ARL15: variants seen among roughly 807,000 people sequenced by gnomAD.
ARL15 encodes the protein ARF like GTPase 15, also known as ADP-ribosylation factor-like protein 15.
ARL15 carries 19 observed loss-of-function variants against 25.2 expected under a neutral mutation model. The observed-to-expected ratio is 0.75, with a 90% CI of 0.53 to 1.10. ARL15 has a LOEUF of 1.10. Ranked by LOEUF, ARL15 falls within the 50% of genes least tolerant of loss-of-function variation. The probability of loss-of-function intolerance (pLI) is 0.00; values close to 1 mark genes in which losing one functional copy is unlikely to be tolerated. For missense variants in ARL15, 220 were observed against 246.0 expected, an observed-to-expected ratio of 0.89 and a Z score of 0.71; for synonymous variants, 94 against 86.8, an observed-to-expected ratio of 1.08 and a Z score of -0.46.
chr5:54,292,918 C>T (rs756849364), intron 1 of ARL15, among the ~76,000 whole-genome samples: 30 of 152,156 alleles, frequency 2.0e-4, no homozygotes, highest in Admixed American at 1.8e-3. Flanking sequence ...CAACCTCACA[C>T]GGTGTTGCAA....
intron 1 of ARL15, among the ~76,000 whole-genome samples, chr5:54,297,212 A>AC (rs1224463803): frequency 6.6e-6 from 1 of 151,952 alleles, no homozygotes; most frequent in Non-Finnish European, 1.5e-5. Context: ...GGCAGACTGG[A>AC]CCCCCCTCAA....
At chr5:54,000,751 TAACAA>T (rs759010463) in intron 4 of ARL15, among the ~76,000 whole-genome samples, 2 of 152,156 alleles carry the variant, frequency 1.3e-5, no homozygotes, top group Non-Finnish European at 2.9e-5. Flanking sequence ...AACATATACC[TAACAA>T]AACATATCCA....
rs1425707755 is a variant in ARL15, at chr5:53,886,086, A to C, written c.*475T>G. 4 of 151,910 alleles carry C rather than the reference A, an allele frequency of 2.6e-5. No individual in the cohort carries two copies. Among genetic ancestry groups the C allele is most frequent in the Non-Finnish European group, 2.9e-5 (2 of 68,002 alleles). 9.4% of individuals were successfully genotyped at this position (151,910 alleles called of 1,614,324 possible). ...GCTCAGTATACCAAAAAAAAAAAAA[A>C]ATTAGATAAAATAAAACAAAACCCC... is the stretch of plus-strand genomic sequence containing the variant. On this transcript the variant is annotated 3_prime_UTR_variant, in exon 5 of 5. Coordinates refer to ENST00000504924, the MANE Select transcript of ARL15 (RefSeq NM_019087.3).
intron 4 of ARL15, among the ~76,000 whole-genome samples, chr5:53,934,393 T>C (rs1746292542): frequency 6.6e-6 from 1 of 151,284 alleles, no homozygotes; most frequent in Admixed American, 6.6e-5. Context: ...TGATTTTTAT[T>C]GTTTAACTGA....
At chr5:54,064,757 T>C (rs1228686720) in intron 4 of ARL15, among the ~76,000 whole-genome samples, 1 of 151,984 alleles carries the variant, frequency 6.6e-6, no homozygotes, top group African/African-American at 2.4e-5. Context: ...TTACTTAGAA[T>C]AGTGCCTGGC....
At chr5:54,026,724 T>C (rs1749796308) in intron 4 of ARL15, among the ~76,000 whole-genome samples, 1 of 152,136 alleles carries the variant, frequency 6.6e-6, no homozygotes, top group African/African-American at 2.4e-5. Flanking sequence ...TCATCACAAA[T>C]ATTGCCTGAG....
chr5:53,950,749 T>G (rs549045255), intron 4 of ARL15, among the ~76,000 whole-genome samples: 1 of 152,218 alleles, frequency 6.6e-6, no homozygotes, highest in Admixed American at 6.5e-5. Flanking sequence ...CACAGTGAGA[T>G]ACTTGGAACA....
intron 1 of ARL15, among the ~76,000 whole-genome samples, chr5:54,265,635 TA>T (rs564310348): frequency 1.3e-5 from 1 of 76,196 alleles, no homozygotes; most frequent in Non-Finnish European, 3.2e-5. Context: ...CAAATTTATA[TA>T]AAAAATGTTA....
At chr5:54,164,806 ATC>A (rs1754518799) in intron 2 of ARL15, among the ~76,000 whole-genome samples, 1 of 151,974 alleles carries the variant, frequency 6.6e-6, no homozygotes, top group Non-Finnish European at 1.5e-5. Context: ...TTTTAAAAAA[ATC>A]TATTATATCA....
intron 4 of ARL15, among the ~76,000 whole-genome samples, chr5:53,943,771 G>C (rs1041304161): frequency 6.6e-6 from 1 of 152,158 alleles, no homozygotes; most frequent in Non-Finnish European, 1.5e-5. Context: ...TTTTCTACCT[G>C]AGAGCTGGAG....
intron 4 of ARL15, among the ~76,000 whole-genome samples, chr5:54,105,949 T>C (rs951129680): frequency 2.6e-5 from 4 of 152,042 alleles, no homozygotes; most frequent in African/African-American, 7.2e-5. Flanking sequence ...AGGAAAAAAA[T>C]AGATTTTGAT....
At chr5:54,242,839 G>C (rs1321188873) in intron 1 of ARL15, among the ~76,000 whole-genome samples, 1 of 151,912 alleles carries the variant, frequency 6.6e-6, no homozygotes, top group Admixed American at 6.6e-5. Context: ...AAATTATAAC[G>C]AACACACCTC....
At position 53,886,466 on chromosome 5, in the gene ARL15, A is replaced by T; in HGVS notation, c.*95T>A. Reference sequence around the variant, plus strand: ...AATGACCAGAGGAAAATAGATACTGAAGCCAATATAGTCTTGATACCAAAA... The same window carrying T: ...AATGACCAGAGGAAAATAGATACTGTAGCCAATATAGTCTTGATACCAAAA... On this transcript the variant is annotated 3_prime_UTR_variant, in exon 5 of 5. Coordinates refer to ENST00000504924, the MANE Select transcript of ARL15 (RefSeq NM_019087.3). 7.5e-7 allele frequency: 1 copy of T among 1,341,500 alleles called. No individual in the cohort carries two copies. Among genetic ancestry groups the T allele is most frequent in the Non-Finnish European group, 1.0e-6 (1 of 1,000,378 alleles). 83.1% of individuals were successfully genotyped at this position (1,341,500 alleles called of 1,614,324 possible).
At chr5:54,217,701 G>T (rs13164469) in intron 1 of ARL15, among the ~76,000 whole-genome samples, 44,181 of 152,006 alleles carry the variant, frequency 0.29, 7,643 homozygotes, top group African/African-American at 0.48. Flanking sequence ...TCACCGTAAC[G>T]ATCAGATGTT....
intron 4 of ARL15, among the ~76,000 whole-genome samples, chr5:54,040,847 T>C (rs1750321201): frequency 6.6e-6 from 1 of 152,196 alleles, no homozygotes; most frequent in African/African-American, 2.4e-5. Flanking sequence ...AATGTGATTA[T>C]CAAATATTGT....
intron 1 of ARL15, among the ~76,000 whole-genome samples, chr5:54,202,291 G>A (rs531851472): frequency 6.6e-6 from 1 of 152,104 alleles, no homozygotes; most frequent in Non-Finnish European, 1.5e-5. Context: ...CATGGCCAGG[G>A]GGCATCAAGG....
At chr5:54,190,194 C>T (rs1171368769) in intron 1 of ARL15, among the ~76,000 whole-genome samples, 1 of 151,978 alleles carries the variant, frequency 6.6e-6, no homozygotes, top group African/African-American at 2.4e-5. Context: ...AGTTCGAGAC[C>T]AGCCTGGCCA....
intron 4 of ARL15, among the ~76,000 whole-genome samples, chr5:53,940,962 T>C (rs1490546262): frequency 2.0e-5 from 3 of 152,202 alleles, no homozygotes; most frequent in Admixed American, 2.0e-4. Context: ...ATATTGTCCA[T>C]TAAAGCTTAC....
intron 4 of ARL15, among the ~76,000 whole-genome samples, chr5:54,036,476 C>G (rs1344588183): frequency 6.6e-6 from 1 of 152,126 alleles, no homozygotes; most frequent in Admixed American, 6.6e-5. Context: ...GCAAACACCT[C>G]ATTTCCTTCA....
Sources: allele counts gnomAD v4.1 joint callset (sites outside exome capture counted in the v4.1 genomes callset), GRCh38; gene constraint gnomAD v4.1.1; transcripts MANE v1.5; gene names NCBI Gene and HGNC (gene_info 2026-07-23, HGNC 2026-07-21).